Variants in ITGA9 observed in about 807,000 individuals in gnomAD.
ITGA9 encodes integrin subunit alpha 9, also known as integrin alpha-9.
Under a neutral mutation model 127.8 loss-of-function variants are expected in ITGA9, and 56 were observed. The ratio of observed to expected loss-of-function variants is 0.44; its 90% confidence interval spans 0.35 to 0.55. The LOEUF is 0.55. Among genes scored for constraint, ITGA9 ranks in the 20% least tolerant of loss-of-function variants. The probability of loss-of-function intolerance (pLI) is 0.00; values close to 1 mark genes in which losing one functional copy is unlikely to be tolerated. For synonymous variants in ITGA9, 508 were observed against 514.5 expected, an observed-to-expected ratio of 0.99 and a Z score of 0.17; for missense variants, 1,196 against 1,347.1, an observed-to-expected ratio of 0.89 and a Z score of 1.76.
intron 18 of ITGA9, among the ~76,000 whole-genome samples, chr3:37,688,436 A>G (rs781298841): frequency 3.3e-5 from 5 of 152,246 alleles, no homozygotes; most frequent in Non-Finnish European, 5.9e-5. Context: ...TGGTAAATGC[A>G]TAATTTAAAA....
intron 18 of ITGA9, among the ~76,000 whole-genome samples, chr3:37,729,700 C>CTTTTTTTT (rs34875348): frequency 2.4e-5 from 2 of 84,122 alleles, no homozygotes; most frequent in African/African-American, 4.6e-5. Flanking sequence ...TTTTTGATTT[C>CTTTTTTTT]TTTTTTTTTT....
chr3:37,523,727 CAATAG>C, intron 12 of ITGA9, 116 bp downstream of exon 12: 1 of 787,542 alleles, frequency 1.3e-6, no homozygotes, highest in South Asian at 1.4e-5. Context: ...ACAATTCACA[CAATAG>C]AATAGGGTGT....
chr3:37,480,779 C>T (rs929059740), intron 3 of ITGA9, among the ~76,000 whole-genome samples: 1 of 152,180 alleles, frequency 6.6e-6, no homozygotes, highest in African/African-American at 2.4e-5. Context: ...TCTGAAGCCA[C>T]CCCCGTCGCC....
chr3:37,660,550 G>A (rs1700524205), intron 17 of ITGA9, among the ~76,000 whole-genome samples: 1 of 152,198 alleles, frequency 6.6e-6, no homozygotes, highest in African/African-American at 2.4e-5. Context: ...CACTGCCCCA[G>A]TCTGGCCTTT....
At chr3:37,580,122 A>G (rs1699696291) in intron 15 of ITGA9, among the ~76,000 whole-genome samples, 1 of 152,212 alleles carries the variant, frequency 6.6e-6, no homozygotes, top group Non-Finnish European at 1.5e-5. Context: ...GGGTTTCACC[A>G]CTAGTCAGTA....
chr3:37,600,992 T>C (rs1306667257), intron 15 of ITGA9, among the ~76,000 whole-genome samples: 1 of 152,198 alleles, frequency 6.6e-6, no homozygotes, highest in Non-Finnish European at 1.5e-5. Context: ...CATAAAGACA[T>C]TGAAGTGTCC....
At position 37,473,341 on chromosome 3, in the gene ITGA9, C is replaced by T. The variant is rs113829717; in HGVS notation, c.314-13C>T. The T allele has an allele frequency of 5.0e-6, 8 of 1,611,636 alleles. No homozygotes were observed. The highest frequency in any genetic ancestry group is 4.0e-5 in the African/African-American group (3 of 74,974). ...TCCTCAACCCAAGTCTGGCTCTTCT[C>T]CTCTTTCTCCAGGGAAGAATCGGGG... is the stretch of plus-strand genomic sequence containing the variant. On this transcript the variant is annotated splice_polypyrimidine_tract_variant and intron_variant, in intron 2 of 27. Transcript: ENST00000264741.
At chr3:37,669,382 T>G (rs1181822495) in intron 17 of ITGA9, among the ~76,000 whole-genome samples, 1 of 152,178 alleles carries the variant, frequency 6.6e-6, no homozygotes. Flanking sequence ...TGAGGCTAGA[T>G]TCCCCCTGTG....
intron 11 of ITGA9, among the ~76,000 whole-genome samples, chr3:37,522,896 A>T (rs1358731249): frequency 6.6e-6 from 1 of 152,108 alleles, no homozygotes; most frequent in Non-Finnish European, 1.5e-5. Context: ...CCTACAGTTT[A>T]AGAAGTGTTC....
chr3:37,748,201 A>T, intron 22 of ITGA9: 2 of 458,300 alleles, frequency 4.4e-6, no homozygotes, highest in Non-Finnish European at 4.2e-6. Context: ...GGCCACGTGT[A>T]TGCAAATCTA....
At chr3:37,496,217 T>C (rs1233525832) in intron 5 of ITGA9, among the ~76,000 whole-genome samples, 1 of 152,200 alleles carries the variant, frequency 6.6e-6, no homozygotes, top group Admixed American at 6.5e-5. Flanking sequence ...GTCTGAAGTT[T>C]TATTTTCACT....
intron 1 of ITGA9, among the ~76,000 whole-genome samples, chr3:37,468,834 C>T (rs1446041209): frequency 1.3e-5 from 2 of 152,122 alleles, no homozygotes; most frequent in African/African-American, 4.8e-5. Flanking sequence ...GGTGAATTCC[C>T]TCTCTTTTCT....
At chr3:37,519,657 G>A (rs556656852) in intron 11 of ITGA9, among the ~76,000 whole-genome samples, 13 of 152,302 alleles carry the variant, frequency 8.5e-5, no homozygotes, top group African/African-American at 2.4e-4. Flanking sequence ...TCTTTTTGGT[G>A]ACTACTTTGT....
intron 27 of ITGA9, among the ~76,000 whole-genome samples, chr3:37,809,935 G>A (rs768241254): frequency 2.2e-4 from 33 of 152,104 alleles, no homozygotes; most frequent in Admixed American, 2.6e-4. Context: ...TAATGTTTCC[G>A]GCTTATTGCC....
chr3:37,473,272 T>G, intron 2 of ITGA9, 82 bp from the exon 3 acceptor site: 1 of 985,090 alleles, frequency 1.0e-6, no homozygotes, highest in Non-Finnish European at 1.6e-6. Flanking sequence ...TATTTCCTCA[T>G]AGGGCTGTGG....
intron 23 of ITGA9, among the ~76,000 whole-genome samples, chr3:37,762,308 A>G (rs1214067399): frequency 2.6e-5 from 4 of 152,238 alleles, no homozygotes; most frequent in African/African-American, 9.6e-5. Context: ...TATACAGGGG[A>G]GGCTTCAGAA....
At chr3:37,461,668 A>G (rs1020217913) in intron 1 of ITGA9, among the ~76,000 whole-genome samples, 1 of 152,028 alleles carries the variant, frequency 6.6e-6, no homozygotes, top group Non-Finnish European at 1.5e-5. Context: ...ACATAGACAC[A>G]CTCTTCATTA....
intron 17 of ITGA9, among the ~76,000 whole-genome samples, chr3:37,678,119 T>A (rs1451488580): frequency 6.6e-6 from 1 of 152,248 alleles, no homozygotes; most frequent in Non-Finnish European, 1.5e-5. Flanking sequence ...CTGTGAATAG[T>A]GCTGCTATGA....
At chr3:37,526,309 T>C (rs1480547499) in intron 13 of ITGA9, among the ~76,000 whole-genome samples, 1 of 148,110 alleles carries the variant, frequency 6.8e-6, no homozygotes, top group Non-Finnish European at 1.5e-5. Context: ...AGGTAGGGGT[T>C]GGGGTAGCCT....
Sources: allele counts gnomAD v4.1 joint callset (sites outside exome capture counted in the v4.1 genomes callset), GRCh38; gene constraint gnomAD v4.1.1; transcripts MANE v1.5; gene names NCBI Gene and HGNC (gene_info 2026-07-23, HGNC 2026-07-21).